The following TNFAIP8 variants were observed in gnomAD, a reference collection of about 807,000 sequenced individuals.
TNFAIP8 encodes the protein tumor necrosis factor alpha-induced protein 8.
In TNFAIP8, 7 loss-of-function variants were observed where a neutral mutation model predicts 13.3. The ratio of observed to expected loss-of-function variants is 0.52; its 90% CI spans 0.30 to 0.99. The LOEUF is 0.99. TNFAIP8 is among the 50% of genes least tolerant of loss of function. The probability of loss-of-function intolerance (pLI) is 0.07; values close to 1 mark genes in which losing one functional copy is unlikely to be tolerated. For synonymous variants in TNFAIP8, 94 were observed against 87.6 expected, an observed-to-expected ratio of 1.07 and a Z score of -0.41; for missense variants, 258 against 236.9, an observed-to-expected ratio of 1.09 and a Z score of -0.58.
intron 1 of TNFAIP8, 74 bp downstream of exon 1, chr5:119,356,195 G>A: frequency 2.9e-6 from 4 of 1,359,004 alleles, no homozygotes; most frequent in Non-Finnish European, 3.0e-6. Context: ...GGTAGAAGAG[G>A]ATGGGAGTTT....
At chr5:119,347,871 A>G (rs1372413577) in intron 1 of TNFAIP8, among the ~76,000 whole-genome samples, 1 of 152,198 alleles carries the variant, frequency 6.6e-6, no homozygotes, top group Non-Finnish European at 1.5e-5. Flanking sequence ...ACAATTGTTA[A>G]TAGATTCTAC....
intron 1 of TNFAIP8, among the ~76,000 whole-genome samples, chr5:119,350,381 C>G (rs1348636444): frequency 6.6e-6 from 1 of 152,170 alleles, no homozygotes; most frequent in Non-Finnish European, 1.5e-5. Context: ...AAATACTTCA[C>G]CATTTTATAT....
chr5:119,299,465 G>A (rs189283915), intron 1 of TNFAIP8, among the ~76,000 whole-genome samples: 13,417 of 152,128 alleles, frequency 0.088, 838 homozygotes, highest in African/African-American at 0.18. Context: ...CGTTCCTCTG[G>A]AAGTTTTGTC....
intron 1 of TNFAIP8, among the ~76,000 whole-genome samples, chr5:119,389,131 T>G: frequency 6.6e-6 from 1 of 152,072 alleles, no homozygotes; most frequent in East Asian, 1.9e-4. Context: ...TGGTGGATGA[T>G]CCCCAGGTCT....
At chr5:119,293,189 C>CT (rs150042070) in intron 1 of TNFAIP8, among the ~76,000 whole-genome samples, 2,393 of 151,900 alleles carry the variant, frequency 0.016, 79 homozygotes, top group East Asian at 0.1. Flanking sequence ...CGTCACATCC[C>CT]TTTTTTTTCA....
At chr5:119,292,669 TATATATATATATATATACACACAC>T (rs1182494910) in intron 1 of TNFAIP8, among the ~76,000 whole-genome samples, 2 of 44,188 alleles carry the variant, frequency 4.5e-5, no homozygotes, top group Non-Finnish European at 6.0e-5. Flanking sequence ...TATATATATA[TATATATATATATATATACACACAC>T]ACACAATGAA....
At chr5:119,377,846 G>A (rs555416594) in intron 1 of TNFAIP8, among the ~76,000 whole-genome samples, 2 of 152,260 alleles carry the variant, frequency 1.3e-5, no homozygotes, top group South Asian at 2.1e-4. Flanking sequence ...AGTAGGAGTT[G>A]TTCCACTGAA....
Position 119,276,383 on chromosome 5 carries a change from G to T in TNFAIP8, c.1+7476G>T, listed in dbSNP as rs62375085. 8.3e-3 allele frequency among the ~76,000 whole-genome samples: 1,264 copies of T among 152,234 alleles called. 6 individuals carry two copies. Among genetic ancestry groups the T allele is most frequent in the Non-Finnish European group, 0.012 (838 of 68,002 alleles). ...TCCACCTGCCTTGGCCTCCCAAAGT[G>T]TTGGGATTACAGGCTTGAGCCACCG... On this transcript the variant is annotated intron_variant, in intron 1 of 1. Transcript: ENST00000274456.
intron 1 of TNFAIP8, among the ~76,000 whole-genome samples, chr5:119,340,083 A>T (rs1405770079): frequency 6.6e-6 from 1 of 152,216 alleles, no homozygotes; most frequent in Admixed American, 6.5e-5. Context: ...TGAAAGTCAC[A>T]GTGACACAAG....
chr5:119,368,772 A>C (rs745883440), intron 1 of TNFAIP8, among the ~76,000 whole-genome samples: 1 of 152,264 alleles, frequency 6.6e-6, no homozygotes, highest in Middle Eastern at 3.4e-3. Flanking sequence ...CAAACTTAGC[A>C]ATAAACCATG....
chr5:119,352,095 C>A (rs1562013382), upstream of TNFAIP8, among the ~76,000 whole-genome samples: 1 of 152,056 alleles, frequency 6.6e-6, no homozygotes, highest in Non-Finnish European at 1.5e-5. Flanking sequence ...GCCATAAATA[C>A]CATTTTCTTA....
intron 1 of TNFAIP8, chr5:119,333,593 T>A (rs1750453204): frequency 6.5e-7 from 1 of 1,535,506 alleles, no homozygotes. Context: ...TGTGAAGTTG[T>A]CCTTCTGATT....
chr5:119,272,316 T>C (rs1222089008), intron 1 of TNFAIP8, among the ~76,000 whole-genome samples: 1 of 152,230 alleles, frequency 6.6e-6, no homozygotes, highest in Non-Finnish European at 1.5e-5. Flanking sequence ...ATTGAGCTCC[T>C]GCTATGTGCC....
At chr5:119,369,347 C>T (rs1580430390) in intron 1 of TNFAIP8, among the ~76,000 whole-genome samples, 1 of 152,214 alleles carries the variant, frequency 6.6e-6, no homozygotes, top group East Asian at 1.9e-4. Context: ...AGCCACCGCA[C>T]CTGGCCCAAA....
At chr5:119,300,946 A>C (rs1749371275) in intron 1 of TNFAIP8, among the ~76,000 whole-genome samples, 2 of 151,500 alleles carry the variant, frequency 1.3e-5, no homozygotes, top group African/African-American at 2.5e-5. Context: ...ACCATCTCCG[A>C]GGCACAGTTT....
chr5:119,338,324 C>T (rs754540384), intron 1 of TNFAIP8, among the ~76,000 whole-genome samples: 1 of 152,154 alleles, frequency 6.6e-6, no homozygotes, highest in African/African-American at 2.4e-5. Context: ...CAGGAAGCCC[C>T]GTCAGGAAGG....
intron 1 of TNFAIP8, among the ~76,000 whole-genome samples, chr5:119,280,985 T>G (rs1161283326): frequency 6.6e-6 from 1 of 152,172 alleles, no homozygotes; most frequent in African/African-American, 2.4e-5. Flanking sequence ...TAGTTTTTAC[T>G]GAGACTCAAA....
intron 1 of TNFAIP8, among the ~76,000 whole-genome samples, chr5:119,301,632 G>T (rs1188347167): frequency 1.3e-5 from 2 of 152,166 alleles, no homozygotes; most frequent in Non-Finnish European, 2.9e-5. Flanking sequence ...AGGGAATATG[G>T]GTGGAATTAA....
At chr5:119,281,277 C>G (rs1159152747) in intron 1 of TNFAIP8, among the ~76,000 whole-genome samples, 2 of 86,138 alleles carry the variant, frequency 2.3e-5, no homozygotes, top group African/African-American at 9.0e-5. Context: ...AGCTGGGAAA[C>G]ACACACACAT....
Sources: gnomAD v4.1 joint callset for allele counts (sites outside exome capture counted in the v4.1 genomes callset) on GRCh38, gnomAD v4.1.1 for gene constraint, MANE v1.5 for transcripts, NCBI Gene and HGNC (gene_info 2026-07-23, HGNC 2026-07-21) for gene names.